Variants in SLC38A8 observed in about 807,000 individuals in gnomAD.
SLC38A8 encodes solute carrier family 38 member 8, also known as amino acid transporter SLC38A8.
SLC38A8 carries 65 observed loss-of-function variants against 46.0 expected under a neutral mutation model. The ratio of observed to expected loss-of-function variants is 1.41; its 90% CI spans 1.16 to 1.74. The LOEUF is 1.74. Among genes scored for constraint, SLC38A8 ranks in the 40% most tolerant of loss-of-function variants. The pLI is 0.00. For missense variants in SLC38A8, 998 were observed against 567.9 expected, an observed-to-expected ratio of 1.76 and a Z score of -7.70; for synonymous variants, 447 against 243.7, an observed-to-expected ratio of 1.83 and a Z score of -7.77.
At chr16:84,020,344 C>G (rs762825490) in intron 7 of SLC38A8, among the ~76,000 whole-genome samples, 1 of 152,118 alleles carries the variant, frequency 6.6e-6, no homozygotes, top group Non-Finnish European at 1.5e-5. Flanking sequence ...CAGGGTCTCA[C>G]TACGTTGGCC....
intron 10 of SLC38A8, among the ~76,000 whole-genome samples, chr16:84,010,509 G>A (rs765872233): frequency 2.0e-3 from 298 of 152,140 alleles, no homozygotes; most frequent in Non-Finnish European, 3.6e-3. Context: ...GGGAGGCTGA[G>A]GCAGGCGGAT....
intron 10 of SLC38A8, among the ~76,000 whole-genome samples, chr16:84,011,787 G>C (rs1597245877): frequency 1.3e-5 from 2 of 152,228 alleles, no homozygotes; most frequent in Non-Finnish European, 2.9e-5. Flanking sequence ...AGGAGGCTGA[G>C]GCAGGAGGAT....
At chr16:84,012,739 G>A (rs2084969063) in intron 10 of SLC38A8, among the ~76,000 whole-genome samples, 3 of 152,216 alleles carry the variant, frequency 2.0e-5, no homozygotes, top group Non-Finnish European at 2.9e-5. Context: ...GCTTCCAGAG[G>A]CTGGAATCTA....
Position 84,017,158 on chromosome 16 carries a change from A to G in SLC38A8, c.935T>C (p.Ile312Thr), listed in dbSNP as rs2085039044. The change falls in exon 8 of 11, where the codon ATC becomes ACC. Residue 312 changes from isoleucine (I) to threonine (T), a missense_variant. Transcript: ENST00000299709. ...GCCTCACCTCCCCAGGAAGAGCACG[A>G]TGGGGTAGACAGTTACGATGGAGAC... ...FAVSIVTVYP[I>T]VLFLGRSVMQ... The G allele has an allele frequency of 1.2e-6, 2 of 1,614,114 alleles. No homozygotes were observed. Among genetic ancestry groups the G allele is most frequent in the Non-Finnish European group, 1.7e-6 (2 of 1,180,022 alleles).
intron 5 of SLC38A8, among the ~76,000 whole-genome samples, chr16:84,030,572 T>C (rs796155564): frequency 5.9e-5 from 9 of 152,234 alleles, no homozygotes; most frequent in African/African-American, 2.2e-4. Context: ...TGTTCCAGCC[T>C]GAGCTGCTCC....
intron 6 of SLC38A8, among the ~76,000 whole-genome samples, chr16:84,028,694 C>A (rs375819162): frequency 6.6e-5 from 10 of 151,438 alleles, no homozygotes; most frequent in South Asian, 4.2e-4. Context: ...CCCTGCCCCC[C>A]CTGCCCCGCC....
chr16:84,029,696 C>T (rs951723974), intron 5 of SLC38A8, 145 bp from the exon 6 acceptor site: 18 of 793,206 alleles, frequency 2.3e-5, no homozygotes, highest in Non-Finnish European at 3.0e-5. Context: ...TGTCCGTGAC[C>T]GGGCTTTTGG....
intron 2 of SLC38A8, among the ~76,000 whole-genome samples, chr16:84,040,733 G>C (rs1025431529): frequency 2.0e-5 from 3 of 152,120 alleles, no homozygotes; most frequent in Non-Finnish European, 4.4e-5. Context: ...CACCTCCTCC[G>C]AGAGGCTTCC....
At chr16:84,022,154 G>C (rs2085102907) in intron 7 of SLC38A8, among the ~76,000 whole-genome samples, 1 of 152,138 alleles carries the variant, frequency 6.6e-6, no homozygotes, top group Non-Finnish European at 1.5e-5. Context: ...AGGAGTCCAA[G>C]GCTGCCTGAG....
rs765870079 is a variant in SLC38A8 at position 84,029,536 on chromosome 16, G to T, written c.648C>A (p.Thr216=). 6.2e-7 allele frequency: 1 copy of T among 1,614,134 alleles called. No homozygotes were observed. The highest frequency in any genetic ancestry group is 1.3e-5 in the African/African-American group (1 of 75,056). Residue 216 remains threonine (T), a synonymous_variant, in exon 6 of 11, where the codon ACC becomes ACA. Coordinates refer to ENST00000299709, the MANE Select transcript of SLC38A8 (RefSeq NM_001080442.3). ...TGGTGGGGAAGACACTGAACACAGAGGTCCAGGAGGCAGGGCTGTAAACAG... is the reference window on the plus strand; with the variant it reads ...TGGTGGGGAAGACACTGAACACAGATGTCCAGGAGGCAGGGCTGTAAACAG... The part of the protein sequence containing the change: ...SHPSLSPASW[T]SVFSVFPTIC...
In SLC38A8 at chr16:84,029,476, C is replaced by T; in HGVS notation, c.690+18G>A. On this transcript the variant is annotated intron_variant, in intron 6 of 10. Transcript: ENST00000299709. ...CCTCTGCAAACGCCACAGGCTGCAA[C>T]ACAGATGCTAAAATTACCTGAAACC... The T allele has an allele frequency of 2.5e-6, 4 of 1,613,842 alleles. No individual in the cohort carries two copies. Among genetic ancestry groups the T allele is most frequent in the Non-Finnish European group, 3.4e-6 (4 of 1,179,850 alleles).
Position 84,017,198 on chromosome 16 carries a change from G to A in SLC38A8, c.895C>T (p.Arg299Trp), listed in dbSNP as rs376280319. Reference protein sequence around the residue: ...PGNDMVIIVARVLFAVSIVTV... With the variant: ...PGNDMVIIVAWVLFAVSIVTV... ...ACGATGGAGACAGCAAAAAGGACCC[G>A]GGCCACAATGATGACCATATCATTG... is the stretch of plus-strand genomic sequence containing the variant. The change falls in exon 8 of 11, where the codon CGG becomes TGG. Residue 299 changes from arginine to tryptophan, a missense_variant. Transcript: ENST00000299709. 1.7e-5 allele frequency: 27 copies of A among 1,614,046 alleles called. No homozygotes were observed. The highest frequency in any genetic ancestry group is 8.3e-5 in the Admixed American group (5 of 60,006).
intron 7 of SLC38A8, among the ~76,000 whole-genome samples, chr16:84,019,940 G>T (rs369953473): frequency 6.6e-6 from 1 of 152,222 alleles, no homozygotes; most frequent in Admixed American, 6.5e-5. Flanking sequence ...CCACTCCTAC[G>T]GCTTTGCCGG....
rs372917153 is a variant in SLC38A8 at position 84,016,511 on chromosome 16, G to A, written c.1162+8C>T. 69 of 1,612,726 alleles carry A rather than the reference G, an allele frequency of 4.3e-5. 1 individual carries two copies. The highest frequency in any genetic ancestry group is 1.7e-5 in the Admixed American group (1 of 59,956). On this transcript the variant is annotated splice_region_variant and intron_variant, in intron 9 of 10. Transcript: ENST00000299709. ...GTGGGCAGAAAGCCTGGAAAGCAGG[G>A]GCCTCACCTGGGAAGATGAAGATGA...
At chr16:84,026,114 G>A (rs1013702829) in intron 6 of SLC38A8, among the ~76,000 whole-genome samples, 8 of 152,252 alleles carry the variant, frequency 5.3e-5, no homozygotes, top group South Asian at 2.1e-4. Flanking sequence ...CTGCGTATAG[G>A]GGCACAGCTG....
intron 2 of SLC38A8, among the ~76,000 whole-genome samples, chr16:84,040,454 T>C (rs1407569923): frequency 1.3e-5 from 2 of 152,210 alleles, no homozygotes; most frequent in East Asian, 3.8e-4. Flanking sequence ...GGCCAGCATC[T>C]GCATTTCAGC....
intron 7 of SLC38A8, among the ~76,000 whole-genome samples, chr16:84,018,428 C>A (rs1354033793): frequency 2.0e-5 from 3 of 151,932 alleles, no homozygotes; most frequent in African/African-American, 7.3e-5. Context: ...ACCGTGTTAG[C>A]CAGGATGGTC....
chr16:84,031,779 G>C, intron 5 of SLC38A8, 88 bp downstream of exon 5: 1 of 1,137,186 alleles, frequency 8.8e-7, no homozygotes, highest in Non-Finnish European at 1.3e-6. Flanking sequence ...AGTGAGCCAC[G>C]AGAGGCTCCT....
intron 7 of SLC38A8, 58 bp from the exon 8 acceptor site, chr16:84,017,345 C>G (rs2085042659): frequency 1.9e-6 from 3 of 1,590,318 alleles, no homozygotes; most frequent in Non-Finnish European, 2.6e-6. Flanking sequence ...TGCCCCCTCC[C>G]CCACCAACAG....
Sources: gnomAD v4.1 joint callset for allele counts (sites outside exome capture counted in the v4.1 genomes callset) on GRCh38, gnomAD v4.1.1 for gene constraint, MANE v1.5 for transcripts, NCBI Gene and HGNC (gene_info 2026-07-23, HGNC 2026-07-21) for gene names.